Variants in TRIO observed in about 807,000 individuals in gnomAD.
The protein encoded by TRIO is trio Rho guanine nucleotide exchange factor, also known as triple functional domain protein.
In TRIO, 58 loss-of-function variants were observed where a neutral mutation model predicts 351.9. The observed-to-expected ratio is 0.16, with a 90% confidence interval of 0.13 to 0.21. TRIO has a LOEUF of 0.21. TRIO is among the 10% of genes least tolerant of loss of function. TRIO has a pLI of 1.00. For missense variants in TRIO, 3,201 were observed against 4,027.8 expected, an observed-to-expected ratio of 0.79 and a Z score of 5.56; for synonymous variants, 1,758 against 1,595.7, an observed-to-expected ratio of 1.10 and a Z score of -2.42.
chr5:14,203,740 TC>T (rs1377883728), intron 1 of TRIO, among the ~76,000 whole-genome samples: 2 of 151,182 alleles, frequency 1.3e-5, no homozygotes, highest in Non-Finnish European at 1.5e-5. Flanking sequence ...GGGGCCTCGC[TC>T]CCCTGGCAGT....
intron 8 of TRIO, among the ~76,000 whole-genome samples, chr5:14,306,531 G>C (rs1738388920): frequency 6.6e-6 from 1 of 152,198 alleles, no homozygotes; most frequent in African/African-American, 2.4e-5. Context: ...CACATGTAAT[G>C]AGGCCTCCAC....
chr5:14,189,165 GT>G (rs1381029058), intron 1 of TRIO, among the ~76,000 whole-genome samples: 1 of 152,126 alleles, frequency 6.6e-6, no homozygotes, highest in Non-Finnish European at 1.5e-5. Context: ...TATTGTAGTA[GT>G]ATTGTAAAAA....
intron 55 of TRIO, among the ~76,000 whole-genome samples, chr5:14,505,738 G>A (rs1472083680): frequency 6.6e-6 from 1 of 152,162 alleles, no homozygotes; most frequent in African/African-American, 2.4e-5. Context: ...ATGTGCCATG[G>A]GTGACAGTGG....
intron 9 of TRIO, among the ~76,000 whole-genome samples, chr5:14,322,606 C>G (rs1739986722): frequency 6.6e-6 from 1 of 152,200 alleles, no homozygotes; most frequent in Admixed American, 6.5e-5. Flanking sequence ...AAGCCTGACT[C>G]AGGAGCTCTA....
At chr5:14,254,834 G>C (rs1002419759) in intron 1 of TRIO, among the ~76,000 whole-genome samples, 13 of 152,248 alleles carry the variant, frequency 8.5e-5, no homozygotes, top group Non-Finnish European at 1.3e-4. Context: ...ACCACTTGGA[G>C]GTTGGAGACT....
intron 8 of TRIO, among the ~76,000 whole-genome samples, chr5:14,308,981 A>G (rs1738657415): frequency 2.0e-5 from 3 of 151,476 alleles, no homozygotes; most frequent in Non-Finnish European, 4.4e-5. Flanking sequence ...CCAACTGTCC[A>G]TCGCCACCTC....
intron 1 of TRIO, among the ~76,000 whole-genome samples, chr5:14,151,046 G>A (rs899773871): frequency 6.6e-6 from 1 of 152,138 alleles, no homozygotes; most frequent in Non-Finnish European, 1.5e-5. Context: ...GATGACAAGT[G>A]GCCCATGCAG....
chr5:14,210,897 T>C (rs1421983193), intron 1 of TRIO, among the ~76,000 whole-genome samples: 1 of 151,962 alleles, frequency 6.6e-6, no homozygotes, highest in African/African-American at 2.4e-5. Context: ...TCCACTCCCT[T>C]CCTCCTTTCA....
At chr5:14,267,253 G>A (rs1795738226) in intron 1 of TRIO, among the ~76,000 whole-genome samples, 1 of 151,956 alleles carries the variant, frequency 6.6e-6, no homozygotes, top group Non-Finnish European at 1.5e-5. Context: ...ACCTATTTAA[G>A]TAGCATTGAC....
At chr5:14,363,054 A>G (rs935963546) in intron 13 of TRIO, among the ~76,000 whole-genome samples, 91 of 141,282 alleles carry the variant, frequency 6.4e-4, no homozygotes, top group African/African-American at 2.3e-3. Context: ...GCTGGAGTGT[A>G]ATGGTGCCAT....
At chr5:14,319,110 A>G (rs954147222) in intron 9 of TRIO, among the ~76,000 whole-genome samples, 6 of 152,246 alleles carry the variant, frequency 3.9e-5, no homozygotes, top group Non-Finnish European at 7.3e-5. Flanking sequence ...TTATGAGGCC[A>G]GTTCTTTAAG....
At chr5:14,218,067 G>T (rs1007939281) in intron 1 of TRIO, among the ~76,000 whole-genome samples, 5 of 152,098 alleles carry the variant, frequency 3.3e-5, no homozygotes, top group Non-Finnish European at 7.3e-5. Context: ...GTGTGTGTTG[G>T]GGGGAGAGTC....
rs567254804 is a variant in TRIO, at chr5:14,509,398, G to C, written c.*976G>C. 11 of 460,248 alleles carry C rather than the reference G, an allele frequency of 2.4e-5. No individual in the cohort carries two copies. Among genetic ancestry groups the C allele is most frequent in the African/African-American group, 2.2e-4 (11 of 50,410 alleles). 28.5% of individuals were successfully genotyped at this position (460,248 alleles called of 1,614,324 possible). ...TGGTTTTGTGTGTGTGTTGGGGTTG[G>C]CGGGTGGGTGGGTAGGGTCGTAGCC... On this transcript the variant is annotated 3_prime_UTR_variant, in exon 57 of 57. Transcript: ENST00000344204.
chr5:14,239,283 C>A (rs1254819981), intron 1 of TRIO, among the ~76,000 whole-genome samples: 1 of 152,020 alleles, frequency 6.6e-6, no homozygotes, highest in Non-Finnish European at 1.5e-5. Flanking sequence ...CCCCCCCATT[C>A]TTAGTTCTTA....
At chr5:14,293,683 G>A (rs1253374341) in intron 6 of TRIO, among the ~76,000 whole-genome samples, 5 of 152,296 alleles carry the variant, frequency 3.3e-5, no homozygotes, top group South Asian at 2.1e-4. Flanking sequence ...CTTGGCTGTC[G>A]TGACTGTCAG....
chr5:14,247,807 G>T (rs1018781774), intron 1 of TRIO, among the ~76,000 whole-genome samples: 3 of 152,206 alleles, frequency 2.0e-5, no homozygotes, highest in African/African-American at 7.2e-5. Context: ...GTGGCTCACA[G>T]CTGTAATCCC....
intron 1 of TRIO, among the ~76,000 whole-genome samples, chr5:14,211,121 C>G (rs905104171): frequency 3.6e-4 from 55 of 152,174 alleles, no homozygotes; most frequent in African/African-American, 1.3e-3. Flanking sequence ...TTTGACTTTA[C>G]CTTCTTCTGA....
chr5:14,305,112 T>C (rs539656014), intron 8 of TRIO, among the ~76,000 whole-genome samples: 10 of 152,368 alleles, frequency 6.6e-5, no homozygotes, highest in African/African-American at 2.2e-4. Flanking sequence ...CTTTATGTAA[T>C]GACTGACTTA....
Position 14,461,182 on chromosome 5 carries a change from C to G in TRIO, c.5367C>G (p.Ala1789=). ...TGCGGCGGCTCAGCAGCGGCAAGGC[C>G]GACGGGCACGTGAAGAAGCTGGCGC... ...SPVRRLSSGK[A]DGHVKKLAHK... The change falls in exon 35 of 57, where the codon GCC becomes GCG. Residue 1789 remains alanine, a synonymous_variant. Coordinates refer to ENST00000344204, the MANE Select transcript of TRIO (RefSeq NM_007118.4). The G allele has an allele frequency of 6.4e-7, 1 of 1,560,180 alleles. No individual in the cohort carries two copies. The highest frequency in any genetic ancestry group is 8.7e-7 in the Non-Finnish European group (1 of 1,152,914).
Sources: gnomAD v4.1 joint callset for allele counts (sites outside exome capture counted in the v4.1 genomes callset) on GRCh38, gnomAD v4.1.1 for gene constraint, MANE v1.5 for transcripts, NCBI Gene and HGNC (gene_info 2026-07-23, HGNC 2026-07-21) for gene names.